The following STAT1 variants were observed in gnomAD, a reference collection of about 807,000 sequenced individuals.
STAT1 encodes signal transducer and activator of transcription 1-alpha/beta.
In STAT1, 24 loss-of-function variants were observed where a neutral mutation model predicts 111.7. The ratio of observed to expected loss-of-function variants is 0.21; its 90% confidence interval spans 0.16 to 0.30. STAT1 has a LOEUF of 0.30. Among genes scored for constraint, STAT1 ranks in the 10% least tolerant of loss-of-function variants. STAT1 has a pLI of 1.00. For synonymous variants in STAT1, 332 were observed against 326.5 expected, an observed-to-expected ratio of 1.02 and a Z score of -0.18; for missense variants, 351 against 911.9, an observed-to-expected ratio of 0.38 and a Z score of 7.92.
At chr2:190,991,756 T>C (rs1693360233) in intron 10 of STAT1, among the ~76,000 whole-genome samples, 2 of 151,494 alleles carry the variant, frequency 1.3e-5, no homozygotes, top group African/African-American at 4.9e-5. Context: ...TACTGGAGGG[T>C]TGAAGTGGGA....
chr2:191,003,261 C>G lies in STAT1; in HGVS notation c.373-2098G>C, dbSNP rs540890138. Among the ~76,000 whole-genome samples, 1 of 152,288 alleles carries G rather than the reference C, an allele frequency of 6.6e-6. No individual in the cohort carries two copies. The highest frequency in any genetic ancestry group is 1.9e-4 in the East Asian group (1 of 5,188). ...ATGTTACTGGTATCCTCTGTAAGTCCAAGGTGCCACATATCACTCAGTGAC... is the reference window on the plus strand; with the variant it reads ...ATGTTACTGGTATCCTCTGTAAGTCGAAGGTGCCACATATCACTCAGTGAC... On this transcript the variant is annotated intron_variant, in intron 5 of 24. Transcript: ENST00000361099. This position sits in a 1 kb window ranked among gnomAD's most constrained non-coding sequence, Gnocchi z 4.0.
chr2:190,993,342 C>A lies in STAT1; in HGVS notation c.944+1719G>T. ...GCTCCTCTGTAATAACTGGAGATGA[C>A]TGTTCGAAACCTTTCCTGTTCTGCT... On this transcript the variant is annotated intron_variant, in intron 10 of 24. Coordinates refer to ENST00000361099, the MANE Select transcript of STAT1 (RefSeq NM_007315.4). The surrounding 1 kb of genome is among the most constrained non-coding windows in gnomAD (Gnocchi z 4.1). The A allele has an allele frequency of 1.1e-6, 1 of 936,514 alleles. No individual in the cohort carries two copies. Among genetic ancestry groups the A allele is most frequent in the Non-Finnish European group, 1.7e-6 (1 of 590,098 alleles). The allele number at this position is 936,514 out of a possible 1,614,324, so 58.0% of individuals were successfully genotyped here.
Position 191,007,180 on chromosome 2 carries a change from C to T in STAT1, c.372+383G>A, listed in dbSNP as rs1694769970. Among the ~76,000 whole-genome samples the T allele has an allele frequency of 6.6e-6, 1 of 152,304 alleles. No individual in the cohort carries two copies. The highest frequency in any genetic ancestry group is 2.4e-5 in the African/African-American group (1 of 41,568). ...TGAGCGCAAGCTTCCACTGCCTCTACCTTGGACAGCTGCAAGAACCCTCTA... is the reference window on the plus strand; with the variant it reads ...TGAGCGCAAGCTTCCACTGCCTCTATCTTGGACAGCTGCAAGAACCCTCTA... On this transcript the variant is annotated intron_variant, in intron 5 of 24. Transcript: ENST00000361099. This position sits in a 1 kb window ranked among gnomAD's most constrained non-coding sequence, Gnocchi z 4.2.
chr2:190,970,290 G>T lies in STAT1; in HGVS notation c.*413C>A. 4.2e-6 allele frequency: 1 copy of T among 239,490 alleles called. No individual in the cohort carries two copies. The highest frequency in any genetic ancestry group is 2.3e-5 in the African/African-American group (1 of 44,306). 14.8% of individuals were successfully genotyped at this position (239,490 alleles called of 1,614,324 possible). On this transcript the variant is annotated 3_prime_UTR_variant, in exon 25 of 25. Transcript: ENST00000361099. This position sits in a 1 kb window ranked among gnomAD's most constrained non-coding sequence, Gnocchi z 5.4. ...AAGAATTCTCCCACAGAAATTTACC[G>T]TTCCTACGTCAAGCAGTTCCCTAAA...
Position 191,006,311 on chromosome 2 carries a change from T to C in STAT1, c.372+1252A>G, listed in dbSNP as rs150103856. Among the ~76,000 whole-genome samples the C allele has an allele frequency of 4.4e-4, 67 of 152,308 alleles. No individual in the cohort carries two copies. The highest frequency in any genetic ancestry group is 6.5e-4 in the African/African-American group (27 of 41,558). On this transcript the variant is annotated intron_variant, in intron 5 of 24. Coordinates refer to ENST00000361099, the MANE Select transcript of STAT1 (RefSeq NM_007315.4). The surrounding 1 kb of genome is among the most constrained non-coding windows in gnomAD (Gnocchi z 4.6). ...AACCTGGCCAGCTTCTCCTCCAGCG[T>C]TGATATACACCTTTGTTCCCTAGGC...
At chr2:190,992,793 C>CTTTT in intron 10 of STAT1, 6 of 376,044 alleles carry the variant, frequency 1.6e-5, no homozygotes, top group Non-Finnish European at 2.2e-5. Context: ...TGCATTCTTT[C>CTTTT]TTTTTTTTTT....
At chr2:191,005,143 G>A (rs1337316628) in intron 5 of STAT1, among the ~76,000 whole-genome samples, 1 of 152,146 alleles carries the variant, frequency 6.6e-6, no homozygotes, top group South Asian at 2.1e-4. Context: ...AACTAACTCG[G>A]AATTTTGCAT....
Position 190,979,244 on chromosome 2 carries a change from T to C in STAT1, c.1728-243A>G, listed in dbSNP as rs976349556. Among the ~76,000 whole-genome samples, 3 of 152,350 alleles carry C rather than the reference T, an allele frequency of 2.0e-5. No homozygotes were observed. The highest frequency in any genetic ancestry group is 6.5e-5 in the Admixed American group (1 of 15,298). ...TCAGTAGGATGCTACAGATGCTCAA[T>C]AACACGTGTGGGATTAATGAGCCTT... On this transcript the variant is annotated intron_variant, in intron 20 of 24. Coordinates refer to ENST00000361099, the MANE Select transcript of STAT1 (RefSeq NM_007315.4). This position sits in a 1 kb window ranked among gnomAD's most constrained non-coding sequence, Gnocchi z 5.8.
intron 2 of STAT1, 120 bp from the exon 3 acceptor site, chr2:191,010,124 C>G: frequency 1.7e-6 from 2 of 1,198,434 alleles, no homozygotes; most frequent in South Asian, 2.7e-5. Context: ...CATAGTTTGT[C>G]CCAGGAATAT....
At position 191,007,500 on chromosome 2, in the gene STAT1, T is replaced by TC; in HGVS notation, c.372+62_372+63insG. ...ATTGCTTTGACATGGGCCCTAATAG[T>TC]ATTTGATGAATGAATACATTTTTAT... On this transcript the variant is annotated intron_variant, in intron 5 of 24. Transcript: ENST00000361099. The surrounding 1 kb of genome is among the most constrained non-coding windows in gnomAD (Gnocchi z 4.2). 8.2e-7 allele frequency: 1 copy of TC among 1,219,762 alleles called. No homozygotes were observed. The highest frequency in any genetic ancestry group is 1.2e-6 in the Non-Finnish European group (1 of 826,358). The allele number at this position is 1,219,762 out of a possible 1,614,324, so 75.6% of individuals were successfully genotyped here. A position where few individuals can be genotyped will look rare whatever the true frequency, so the allele number is the denominator to read the frequency against.
At position 191,000,946 on chromosome 2, in the gene STAT1, G is replaced by A; in HGVS notation, c.462+128C>T. The A allele has an allele frequency of 1.3e-6, 1 of 783,744 alleles. No individual in the cohort carries two copies. Among genetic ancestry groups the A allele is most frequent in the South Asian group, 1.4e-5 (1 of 69,414 alleles). The allele number at this position is 783,744 out of a possible 1,614,324, so 48.5% of individuals were successfully genotyped here. A position where few individuals can be genotyped will look rare whatever the true frequency, so the allele number is the denominator to read the frequency against. ...TGTTTACTTATAGCTTGAGACTTCT[G>A]CAAAATTTTTCTTCCCAACTACTTA... On this transcript the variant is annotated intron_variant, in intron 6 of 24. Transcript: ENST00000361099. This position sits in a 1 kb window ranked among gnomAD's most constrained non-coding sequence, Gnocchi z 4.8.
chr2:190,987,106 A>C lies in STAT1; in HGVS notation c.1098-38T>G, dbSNP rs755707959. 6.7e-7 allele frequency: 1 copy of C among 1,488,806 alleles called. No individual in the cohort carries two copies. Among genetic ancestry groups the C allele is most frequent in the Non-Finnish European group, 9.4e-7 (1 of 1,069,412 alleles). 92.2% of individuals were successfully genotyped at this position (1,488,806 alleles called of 1,614,324 possible). On this transcript the variant is annotated intron_variant, in intron 12 of 24. Transcript: ENST00000361099. This position sits in a 1 kb window ranked among gnomAD's most constrained non-coding sequence, Gnocchi z 4.0. Reference sequence around the variant, plus strand: ...TATATATAATCACATATGCGTATTTAAAATTTGAAATAAGCTTTAACAAAA... The same window carrying C: ...TATATATAATCACATATGCGTATTTCAAATTTGAAATAAGCTTTAACAAAA...
At chr2:191,001,384 T>C (rs1188556503) in intron 5 of STAT1, among the ~76,000 whole-genome samples, 1 of 152,228 alleles carries the variant, frequency 6.6e-6, no homozygotes, top group East Asian at 1.9e-4. Flanking sequence ...ATGTCTAAAA[T>C]AAACAGTATT....
chr2:190,980,876 T>C lies in STAT1; in HGVS notation c.1583-207A>G, dbSNP rs1692337450. Among the ~76,000 whole-genome samples, 1 of 152,132 alleles carries C rather than the reference T, an allele frequency of 6.6e-6. No homozygotes were observed. The highest frequency in any genetic ancestry group is 1.5e-5 in the Non-Finnish European group (1 of 68,030). ...CTGTAAGAGGGCGGAATTTAAATGGTCTAAAATATGTATATGTTGGTTTGA... is the reference window on the plus strand; with the variant it reads ...CTGTAAGAGGGCGGAATTTAAATGGCCTAAAATATGTATATGTTGGTTTGA... On this transcript the variant is annotated intron_variant, in intron 18 of 24. Coordinates refer to ENST00000361099, the MANE Select transcript of STAT1 (RefSeq NM_007315.4). This position sits in a 1 kb window ranked among gnomAD's most constrained non-coding sequence, Gnocchi z 6.1.
Position 190,979,371 on chromosome 2 carries a change from C to T in STAT1, c.1728-370G>A, listed in dbSNP as rs927849429. On this transcript the variant is annotated intron_variant, in intron 20 of 24. Coordinates refer to ENST00000361099, the MANE Select transcript of STAT1 (RefSeq NM_007315.4). The surrounding 1 kb of genome is among the most constrained non-coding windows in gnomAD (Gnocchi z 5.8). ...AGGCAATATATTTTCATATTTTAGC[C>T]CTTCTGATCAAGTTAAAGCTTCTGT... Among the ~76,000 whole-genome samples the T allele has an allele frequency of 6.6e-6, 1 of 152,048 alleles. No individual in the cohort carries two copies. Among genetic ancestry groups the T allele is most frequent in the Admixed American group, 6.6e-5 (1 of 15,264 alleles).
rs45463894 is a variant in STAT1, at chr2:190,992,029, T to A, written c.945-709A>T. Among the ~76,000 whole-genome samples the A allele has an allele frequency of 9.0e-3, 1,374 of 152,364 alleles. 35 individuals are homozygous for A. Among genetic ancestry groups the A allele is most frequent in the East Asian group, 0.082 (428 of 5,194 alleles). On this transcript the variant is annotated intron_variant, in intron 10 of 24. Transcript: ENST00000361099. ...CCATAGGGAACCAAGTACATTTTTT[T>A]AAATATTACTTCCAATAAGTACGAT...
chr2:191,011,969 T>G (rs1695162066), intron 2 of STAT1, among the ~76,000 whole-genome samples: 1 of 151,870 alleles, frequency 6.6e-6, no homozygotes, highest in Non-Finnish European at 1.5e-5. Context: ...GAGGCTGGTC[T>G]CAAACACCTG....
At position 190,996,235 on chromosome 2, in the gene STAT1, C is replaced by A. The variant is rs1298886420; in HGVS notation, c.786-1016G>T. Among the ~76,000 whole-genome samples the A allele has an allele frequency of 2.0e-5, 3 of 152,254 alleles. No homozygotes were observed. The highest frequency in any genetic ancestry group is 7.2e-5 in the African/African-American group (3 of 41,462). ...TTGCAGTCAACTGCTAACAGCAACA[C>A]AGGCTGGGGAAACGCTGTTTTATTC... On this transcript the variant is annotated intron_variant, in intron 9 of 24. Coordinates refer to ENST00000361099, the MANE Select transcript of STAT1 (RefSeq NM_007315.4). This position sits in a 1 kb window ranked among gnomAD's most constrained non-coding sequence, Gnocchi z 4.5.
chr2:190,991,466 G>T, intron 10 of STAT1, 146 bp from the exon 11 acceptor site: 1 of 782,208 alleles, frequency 1.3e-6, no homozygotes, highest in Non-Finnish European at 2.2e-6. Flanking sequence ...GATGAACAAA[G>T]TGATATTTTC....
Sources: allele counts gnomAD v4.1 joint callset (sites outside exome capture counted in the v4.1 genomes callset), GRCh38; gene constraint gnomAD v4.1.1; non-coding constraint Gnocchi (gnomAD v3.1); transcripts MANE v1.5; gene names NCBI Gene and HGNC (gene_info 2026-07-23, HGNC 2026-07-21).